The following LRRC56 variants were observed in gnomAD, a reference collection of about 807,000 sequenced individuals.
LRRC56 encodes the protein leucine rich repeat containing 56, also known as leucine-rich repeat-containing protein 56.
A neutral mutation model predicts 47.8 loss-of-function variants in LRRC56; 41 were observed. The ratio of observed to expected loss-of-function variants is 0.86; its 90% confidence interval spans 0.67 to 1.11. The LOEUF (loss-of-function observed/expected upper bound fraction) is 1.11. Among genes scored for constraint, LRRC56 ranks in the 50% most tolerant of loss-of-function variants. LRRC56 has a pLI of 0.00. For synonymous variants in LRRC56, 387 were observed against 311.2 expected, an observed-to-expected ratio of 1.24 and a Z score of -2.56; for missense variants, 759 against 704.2, an observed-to-expected ratio of 1.08 and a Z score of -0.88.
chr11:552,950 G>A (rs779141075), intron 13 of LRRC56, among the ~76,000 whole-genome samples: 3 of 152,194 alleles, frequency 2.0e-5, no homozygotes, highest in Admixed American at 6.5e-5. Flanking sequence ...CGGGCTGGAC[G>A]AAAGAGAGGC....
At chr11:518,618 C>T in the LRRC56 span, among the ~76,000 whole-genome samples, 2 of 152,100 alleles carry the variant, frequency 1.3e-5, no homozygotes, top group Non-Finnish European at 1.5e-5. Context: ...TCACCCTGCC[C>T]GGCCGCCTGT....
intron 3 of LRRC56, among the ~76,000 whole-genome samples, chr11:540,093 C>T (rs897180121): frequency 2.6e-5 from 4 of 152,224 alleles, no homozygotes; most frequent in Admixed American, 6.5e-5. Context: ...CTGACTCTTG[C>T]AGGTACTGCC....
chr11:534,066 C>G (rs879038333), upstream of LRRC56: 22 of 1,215,978 alleles, frequency 1.8e-5, no homozygotes, highest in Non-Finnish European at 2.5e-5. Flanking sequence ...GGTGCTGAGA[C>G]GAGGGACTCC....
At chr11:525,126 G>A in the LRRC56 span, among the ~76,000 whole-genome samples, 2 of 150,830 alleles carry the variant, frequency 1.3e-5, no homozygotes, top group Admixed American at 6.6e-5. Context: ...ACTTGGGGCC[G>A]GGCGCGGTGG....
intron 11 of LRRC56, 44 bp downstream of exon 11, chr11:552,011 G>A (rs1458814887): frequency 1.2e-6 from 2 of 1,610,858 alleles, no homozygotes; most frequent in African/African-American, 1.3e-5. Flanking sequence ...CCAGTGTCCA[G>A]GGTTGCGGCC....
the LRRC56 span, among the ~76,000 whole-genome samples, chr11:531,505 G>C: frequency 1.3e-5 from 2 of 152,322 alleles, no homozygotes; most frequent in South Asian, 4.1e-4. Flanking sequence ...GTGGGTGGCA[G>C]AGCCTGTGTA....
At chr11:534,248 C>T (rs779600254), upstream of LRRC56, 1 of 1,613,588 alleles carries the variant, frequency 6.2e-7, no homozygotes, top group Non-Finnish European at 8.5e-7. Context: ...CAAAATGGTT[C>T]TGGATCAGCT....
the LRRC56 span, among the ~76,000 whole-genome samples, chr11:510,921 A>G: frequency 4.0e-5 from 6 of 151,776 alleles, no homozygotes; most frequent in African/African-American, 1.5e-4. Context: ...ATAAATAAAT[A>G]ATATGTTTGT....
intron 11 of LRRC56, 51 bp from the exon 12 acceptor site, chr11:552,039 T>G: frequency 6.2e-7 from 1 of 1,605,040 alleles, no homozygotes; most frequent in Non-Finnish European, 8.5e-7. Flanking sequence ...TGCCCTGCCC[T>G]GCCGCCATTC....
the LRRC56 span, among the ~76,000 whole-genome samples, chr11:511,612 G>C: frequency 1.3e-5 from 2 of 152,232 alleles, no homozygotes; most frequent in Non-Finnish European, 2.9e-5. Context: ...AAGTGAGAAG[G>C]TCTTGGCTTT....
rs17853485 is a variant in LRRC56 at position 552,104 on chromosome 11, C to A, written c.1053C>A (p.Pro351=). 5 of 1,611,176 alleles carry A rather than the reference C, an allele frequency of 3.1e-6. No individual in the cohort carries two copies. Among genetic ancestry groups the A allele is most frequent in the Middle Eastern group, 1.7e-4 (1 of 6,054 alleles). Residue 351 remains proline (P), a synonymous_variant, in exon 12 of 14, where the codon CCC becomes CCA. Transcript: ENST00000270115. ...TTCCTCCCCAGGCCAGGGAGCCCCC[C>A]GAGCAGCTGCCCCAACACAGGCCAG... is the stretch of plus-strand genomic sequence containing the variant. ...RRHQCQAREP[P]EQLPQHRPGD... is the part of the protein sequence containing the mutation.
At chr11:548,628 T>G (rs1433434869) in intron 6 of LRRC56, among the ~76,000 whole-genome samples, 2 of 152,134 alleles carry the variant, frequency 1.3e-5, no homozygotes, top group Non-Finnish European at 2.9e-5. Flanking sequence ...TGGCTAATTT[T>G]TTTGTATTTT....
the LRRC56 span, among the ~76,000 whole-genome samples, chr11:530,530 CGAGTGTGGCGTCCCCTGGACAGAAGGGG>C: frequency 9.2e-4 from 33 of 35,948 alleles, no homozygotes; most frequent in East Asian, 0.014. Flanking sequence ...GAGAGAAGGG[CGAGTGTGGCGTCCCCTGGACAGAAGGGG>C]GAGTGTGGCG....
At chr11:552,799 G>A (rs895175126) in intron 13 of LRRC56, 97 bp downstream of exon 13, 6 of 1,052,096 alleles carry the variant, frequency 5.7e-6, no homozygotes, top group Non-Finnish European at 5.5e-6. Flanking sequence ...TGTCAACCTG[G>A]CCCTGCTTCC....
chr11:554,263 C>G lies in LRRC56; in HGVS notation c.1616C>G (p.Pro539Arg), dbSNP rs143414567. 2.1e-4 allele frequency: 318 copies of G among 1,493,776 alleles called. No homozygotes were observed. Among genetic ancestry groups the G allele is most frequent in the Non-Finnish European group, 2.8e-4 (315 of 1,126,090 alleles). 92.5% of individuals were successfully genotyped at this position (1,493,776 alleles called of 1,614,324 possible). ...PRAAELSHPSPVPT is the reference protein window; with the variant it reads ...PRAAELSHPSRVPT ...GCAGCTGAACTCTCTCACCCCAGCC[C>G]CGTCCCCACTTAATATAGCCCCCAC... Residue 539 changes from proline (P) to arginine (R), a missense_variant, in exon 14 of 14, where the codon CCC becomes CGC. Transcript: ENST00000270115.
the LRRC56 span, among the ~76,000 whole-genome samples, chr11:514,448 G>A: frequency 2.6e-5 from 4 of 151,470 alleles, no homozygotes; most frequent in African/African-American, 4.9e-5. Flanking sequence ...CCCCACACCC[G>A]GCTAATTTTT....
At chr11:517,197 A>G in the LRRC56 span, among the ~76,000 whole-genome samples, 1 of 152,246 alleles carries the variant, frequency 6.6e-6, no homozygotes, top group Non-Finnish European at 1.5e-5. Flanking sequence ...TCAGCTCGCC[A>G]CAACCTCTAC....
In LRRC56 at chr11:540,955, C is replaced by T. The variant is rs1276486468; in HGVS notation, c.177+94C>T. ...GCTGATGGTCCAGCCTGCCCTCTGT[C>T]CCCCTCCTGCTGGTCTTGCCTGCTG... On this transcript the variant is annotated intron_variant, in intron 4 of 13. Transcript: ENST00000270115. 4.7e-6 allele frequency: 5 copies of T among 1,067,982 alleles called. No homozygotes were observed. In the African/African-American group the frequency reaches 8.0e-5, roughly 17 times the overall value. The allele number at this position is 1,067,982 out of a possible 1,614,324, so 66.2% of individuals were successfully genotyped here.
chr11:528,402 C>G, the LRRC56 span: 1 of 152,212 alleles, frequency 6.6e-6, no homozygotes, highest in South Asian at 2.1e-4. Flanking sequence ...GCCTGTCAAT[C>G]AGTGGGACCT....
Sources: allele counts gnomAD v4.1 joint callset (sites outside exome capture counted in the v4.1 genomes callset), GRCh38; gene constraint gnomAD v4.1.1; transcripts MANE v1.5; gene names NCBI Gene and HGNC (gene_info 2026-07-23, HGNC 2026-07-21).